Variants in NFX1 observed in about 807,000 individuals in gnomAD.
NFX1 encodes the protein nuclear transcription factor, X-box binding 1, also known as transcriptional repressor NF-X1.
A neutral mutation model predicts 137.2 loss-of-function variants in NFX1; 69 were observed. The ratio of observed to expected loss-of-function variants is 0.50; its 90% CI spans 0.41 to 0.61. The LOEUF is 0.61. NFX1 is among the 20% of genes least tolerant of loss of function. The pLI is 0.00. For synonymous variants in NFX1, 495 were observed against 474.1 expected (o/e 1.04, Z -0.57); for missense variants, 1,167 against 1,391.0 (o/e 0.84, Z 2.56).
chr9:33,301,508 A>G (rs939719709), intron 3 of NFX1, 87 bp downstream of exon 3: 8 of 1,411,476 alleles, frequency 5.7e-6, no homozygotes, highest in Non-Finnish European at 6.7e-6. Flanking sequence ...AATACAGTTT[A>G]ATTTCTCTTA....
chr9:33,334,420 C>T (rs1187612835), intron 11 of NFX1, among the ~76,000 whole-genome samples: 1 of 152,192 alleles, frequency 6.6e-6, no homozygotes, highest in Non-Finnish European at 1.5e-5. Context: ...TGTGCCATTG[C>T]ACTCTATCCT....
chr9:33,351,530 T>G, intron 15 of NFX1, 30 bp from the exon 16 acceptor site: 22 of 1,593,844 alleles, frequency 1.4e-5, no homozygotes, highest in Non-Finnish European at 1.8e-5. Flanking sequence ...CACATGGAGA[T>G]GAGAATCTGG....
Position 33,319,046 on chromosome 9 carries a change from A to G in NFX1, c.1825A>G (p.Ser609Gly), listed in dbSNP as rs1488036126. The G allele has an allele frequency of 6.2e-7, 1 of 1,614,226 alleles. No homozygotes were observed. Among genetic ancestry groups the G allele is most frequent in the South Asian group, 1.1e-5 (1 of 91,090 alleles). Residue 609 changes from serine to glycine, a missense_variant, in exon 9 of 24, where the codon AGT (serine) becomes GGT (glycine). Ser to Gly is a moderately conservative substitution (Grantham distance 56). Coordinates refer to ENST00000379540, the MANE Select transcript of NFX1 (RefSeq NM_002504.6). Reference protein sequence around the residue: ...TPLSQLLELGSSSRKTCMDPV... With the variant: ...TPLSQLLELGGSSRKTCMDPV... ...TCTCAGCCAATTGCTAGAACTTGGA[A>G]GTAGTAGTCGGAAAACATGCATGGA...
chr9:33,351,927 A>G, intron 16 of NFX1, 137 bp downstream of exon 16: 1 of 771,562 alleles, frequency 1.3e-6, no homozygotes, highest in Non-Finnish European at 2.0e-6. Flanking sequence ...AGTTAGAGAA[A>G]GGTAGAGTAA....
chr9:33,338,414 T>G, intron 11 of NFX1, 96 bp from the exon 12 acceptor site: 1 of 1,047,308 alleles, frequency 9.5e-7, no homozygotes, highest in South Asian at 1.4e-5. Flanking sequence ...ATTATTACTA[T>G]TGTATTCTTT....
At chr9:33,364,327 A>C (rs1824105224) in intron 20 of NFX1, among the ~76,000 whole-genome samples, 1 of 152,216 alleles carries the variant, frequency 6.6e-6, no homozygotes, top group African/African-American at 2.4e-5. Flanking sequence ...TTGAGATAAG[A>C]GTTTGGGTGG....
intron 23 of NFX1, among the ~76,000 whole-genome samples, chr9:33,368,103 C>T (rs539964299): frequency 2.0e-5 from 3 of 152,032 alleles, no homozygotes; most frequent in Admixed American, 1.3e-4. Flanking sequence ...GGTGTGGTGG[C>T]GGGCACCTGT....
intron 11 of NFX1, among the ~76,000 whole-genome samples, chr9:33,335,366 A>C (rs1422218984): frequency 6.6e-6 from 1 of 150,924 alleles, no homozygotes; most frequent in Non-Finnish European, 1.5e-5. Context: ...GAGTAGCTGG[A>C]ATTACAGGCA....
chr9:33,309,941 C>T (rs1821904296), intron 5 of NFX1, among the ~76,000 whole-genome samples: 1 of 152,194 alleles, frequency 6.6e-6, no homozygotes, highest in Non-Finnish European at 1.5e-5. Context: ...ATCACCCACA[C>T]CTGACAAGCA....
At chr9:33,354,394 C>T (rs558720413) in intron 18 of NFX1, among the ~76,000 whole-genome samples, 2 of 152,302 alleles carry the variant, frequency 1.3e-5, no homozygotes, top group South Asian at 4.1e-4. Context: ...CTTTTCCAGG[C>T]CTCACAGTAA....
At chr9:33,368,751 G>A (rs570860319) in intron 23 of NFX1, among the ~76,000 whole-genome samples, 1 of 152,320 alleles carries the variant, frequency 6.6e-6, no homozygotes, top group African/African-American at 2.4e-5. Context: ...CCTCTGAAGG[G>A]TGGTTACGGC....
chr9:33,332,287 TGAGTA>T (rs1465663785), intron 10 of NFX1, among the ~76,000 whole-genome samples, 180 bp from the exon 11 acceptor site: 1 of 152,214 alleles, frequency 6.6e-6, no homozygotes, highest in African/African-American at 2.4e-5. Flanking sequence ...AGTCCTCTTG[TGAGTA>T]AAGCTCATTC....
intron 3 of NFX1, among the ~76,000 whole-genome samples, chr9:33,301,667 A>G (rs537324606): frequency 4.6e-5 from 7 of 152,338 alleles, no homozygotes; most frequent in African/African-American, 1.7e-4. Context: ...ATTGAAAATG[A>G]TGGCTTTTAC....
intron 2 of NFX1, among the ~76,000 whole-genome samples, chr9:33,299,835 A>G (rs1821488687): frequency 6.6e-6 from 1 of 152,196 alleles, no homozygotes; most frequent in Non-Finnish European, 1.5e-5. Context: ...CCTTCTCCTG[A>G]GCTTTCAGTC....
chr9:33,358,440 T>TA (rs1823884264), intron 19 of NFX1, among the ~76,000 whole-genome samples: 1 of 151,960 alleles, frequency 6.6e-6, no homozygotes, highest in Non-Finnish European at 1.5e-5. Context: ...TAATTTTTTT[T>TA]AAATTATTAT....
intron 9 of NFX1, among the ~76,000 whole-genome samples, chr9:33,325,555 T>A (rs1336240841): frequency 1.3e-5 from 2 of 152,062 alleles, no homozygotes; most frequent in African/African-American, 4.8e-5. Flanking sequence ...TCCCAGCTAC[T>A]CGGGATGCTG....
In NFX1 at chr9:33,366,723, G is replaced by A. The variant is rs748719024; in HGVS notation, c.3134G>A (p.Ser1045Asn). 6 of 1,614,222 alleles carry A rather than the reference G, an allele frequency of 3.7e-6. No homozygotes were observed. The highest frequency in any genetic ancestry group is 5.1e-6 in the Non-Finnish European group (6 of 1,180,046). Residue 1045 changes from serine (S) to asparagine (N), a missense_variant, in exon 22 of 24, where the codon AGC becomes AAC. Around this residue, in one of 3 missense-constraint regions of NFX1, gnomAD observed 312 missense variants for 312.8 expected, o/e 1.00. Coordinates refer to ENST00000379540, the MANE Select transcript of NFX1 (RefSeq NM_002504.6). ...HDLAQVYGLE[S>N]VSYDSEPKRN... ...TTGGCCCAAGTTTATGGCCTGGAGA[G>A]CGTGAGCTATGACAGTGAACCGAAG...
At chr9:33,362,298 A>G (rs1221194468) in intron 19 of NFX1, among the ~76,000 whole-genome samples, 1 of 152,208 alleles carries the variant, frequency 6.6e-6, no homozygotes, top group Admixed American at 6.5e-5. Flanking sequence ...TAAAATCTGT[A>G]GAGATACCTG....
At position 33,318,715 on chromosome 9, in the gene NFX1, A is replaced by C. The variant is rs1371696312; in HGVS notation, c.1589-16A>C. On this transcript the variant is annotated splice_polypyrimidine_tract_variant and intron_variant, in intron 7 of 23. Transcript: ENST00000379540. ...ACATGTTACTAACGTTTTGTTTTTG[A>C]AATTTTCTCTTCAAGTATGCTATTG... 3 of 1,611,422 alleles carry C rather than the reference A, an allele frequency of 1.9e-6. No homozygotes were observed. Among genetic ancestry groups the C allele is most frequent in the Admixed American group, 1.7e-5 (1 of 59,688 alleles).
Sources: allele counts gnomAD v4.1 joint callset (sites outside exome capture counted in the v4.1 genomes callset), GRCh38; gene constraint gnomAD v4.1.1; regional missense constraint gnomAD v4.1.1; transcripts MANE v1.5; gene names NCBI Gene and HGNC (gene_info 2026-07-23, HGNC 2026-07-21).